TNFAIP8: variants seen among roughly 807,000 people sequenced by gnomAD.
TNFAIP8 encodes the protein TNF alpha induced protein 8, also known as tumor necrosis factor alpha-induced protein 8.
In TNFAIP8, 7 loss-of-function variants were observed where a neutral mutation model predicts 13.3. That is an observed-to-expected ratio of 0.52 (90% CI 0.30 to 0.99). The LOEUF is 0.99. Ranked by LOEUF, TNFAIP8 falls within the 50% of genes least tolerant of loss-of-function variation. TNFAIP8 has a pLI of 0.07. For missense variants in TNFAIP8, 258 were observed against 236.9 expected (o/e 1.09, Z -0.58); for synonymous variants, 94 against 87.6 (o/e 1.07, Z -0.41).
chr5:119,297,153 G>T (rs1300934045), intron 1 of TNFAIP8, among the ~76,000 whole-genome samples: 6 of 152,100 alleles, frequency 3.9e-5, no homozygotes, highest in Non-Finnish European at 5.9e-5. Context: ...GCTAGCTTTT[G>T]AATGTGTTTG....
chr5:119,270,302 A>G (rs1388624491), intron 1 of TNFAIP8, among the ~76,000 whole-genome samples: 4 of 152,260 alleles, frequency 2.6e-5, no homozygotes, highest in African/African-American at 7.2e-5. Flanking sequence ...TATACTTTGC[A>G]GTGTAAACAT....
At chr5:119,370,368 A>G (rs901700675) in intron 1 of TNFAIP8, among the ~76,000 whole-genome samples, 1 of 152,244 alleles carries the variant, frequency 6.6e-6, no homozygotes, top group Non-Finnish European at 1.5e-5. Flanking sequence ...TGAGTAAAGG[A>G]GGCTTTCAAA....
At chr5:119,334,092 T>G (rs1382177620) in intron 1 of TNFAIP8, among the ~76,000 whole-genome samples, 1 of 150,240 alleles carries the variant, frequency 6.7e-6, no homozygotes, top group African/African-American at 2.5e-5. Context: ...TCTATTCTCT[T>G]ATTGGATAAT....
chr5:119,381,231 A>C lies in TNFAIP8; in HGVS notation c.32-11585A>C, dbSNP rs144759084. ...TGCTATATCTATCCTCTCCCTGCCA[A>C]ACAAAGCCTTCTTGAAAACCAAGTA... On this transcript the variant is annotated intron_variant, in intron 1 of 1. Transcript: ENST00000504771. Among the ~76,000 whole-genome samples, 536 of 152,286 alleles carry C rather than the reference A, an allele frequency of 3.5e-3. 1 individual carries two copies. Among genetic ancestry groups the C allele is most frequent in the African/African-American group, 0.012 (498 of 41,568 alleles).
At chr5:119,367,643 A>G (rs1188764811) in intron 1 of TNFAIP8, among the ~76,000 whole-genome samples, 4 of 152,216 alleles carry the variant, frequency 2.6e-5, no homozygotes, top group Non-Finnish European at 4.4e-5. Context: ...AATTGACTAC[A>G]TGTAGGCAGC....
intron 1 of TNFAIP8, among the ~76,000 whole-genome samples, chr5:119,327,263 G>C (rs1159130283): frequency 6.6e-6 from 1 of 152,256 alleles, no homozygotes; most frequent in Middle Eastern, 3.4e-3. Context: ...TGTGTTGACT[G>C]TGGAGTACAT....
intron 1 of TNFAIP8, among the ~76,000 whole-genome samples, chr5:119,279,674 T>A (rs1748570224): frequency 6.6e-6 from 1 of 152,168 alleles, no homozygotes. Context: ...CTCAAACTCT[T>A]GGCTTCAAGC....
chr5:119,375,697 G>A (rs1014858557), intron 1 of TNFAIP8, among the ~76,000 whole-genome samples: 5 of 152,102 alleles, frequency 3.3e-5, no homozygotes, highest in Non-Finnish European at 7.4e-5. Flanking sequence ...AAAACAATTT[G>A]TCTTTGTAAC....
chr5:119,342,845 C>A (rs1256663521), intron 1 of TNFAIP8, among the ~76,000 whole-genome samples: 3 of 152,188 alleles, frequency 2.0e-5, no homozygotes, highest in African/African-American at 4.8e-5. Flanking sequence ...AAGGGAAGCT[C>A]ACTCCTAGGA....
chr5:119,327,985 T>G (rs1376265422), intron 1 of TNFAIP8, among the ~76,000 whole-genome samples: 1 of 151,958 alleles, frequency 6.6e-6, no homozygotes, highest in Non-Finnish European at 1.5e-5. Flanking sequence ...GATCTAATAA[T>G]GTCTAGCTAA....
chr5:119,329,084 G>C (rs1420260042), intron 1 of TNFAIP8, among the ~76,000 whole-genome samples: 1 of 152,224 alleles, frequency 6.6e-6, no homozygotes, highest in African/African-American at 2.4e-5. Flanking sequence ...AGGACCCAGC[G>C]AGTGCCGCAG....
intron 1 of TNFAIP8, among the ~76,000 whole-genome samples, chr5:119,270,504 C>T (rs754670765): frequency 6.6e-5 from 10 of 152,196 alleles, no homozygotes; most frequent in Non-Finnish European, 1.2e-4. Context: ...TCAAGTGATC[C>T]TCCTGCCTCA....
chr5:119,271,374 A>C (rs926087065), intron 1 of TNFAIP8, among the ~76,000 whole-genome samples: 2 of 152,142 alleles, frequency 1.3e-5, no homozygotes, highest in South Asian at 4.1e-4. Flanking sequence ...TATTTAATTG[A>C]TCCAATTAAT....
At chr5:119,311,454 G>A (rs1294786140) in intron 1 of TNFAIP8, among the ~76,000 whole-genome samples, 1 of 151,850 alleles carries the variant, frequency 6.6e-6, no homozygotes, top group Non-Finnish European at 1.5e-5. Context: ...CACTTTGGGA[G>A]GCCAAGGCAG....
chr5:119,343,815 G>A (rs1030420511), intron 1 of TNFAIP8, among the ~76,000 whole-genome samples: 29 of 152,142 alleles, frequency 1.9e-4, no homozygotes, highest in African/African-American at 3.1e-4. Flanking sequence ...GGTAAAAAGC[G>A]GATATAACAG....
chr5:119,285,481 C>G (rs1448208590), intron 1 of TNFAIP8, among the ~76,000 whole-genome samples: 2 of 152,170 alleles, frequency 1.3e-5, no homozygotes, highest in Non-Finnish European at 2.9e-5. Context: ...AGGAAGAACT[C>G]TGGCCCCAGA....
chr5:119,270,338 G>T lies in TNFAIP8; in HGVS notation c.1+1431G>T, dbSNP rs191147756. The stretch of plus-strand genomic sequence containing the variant: ...ATGACTCCATCTCTCTTTAAGGAAA[G>T]AAATAATTATCACGTTTGATGAAAC... On this transcript the variant is annotated intron_variant, in intron 1 of 1. Coordinates refer to the TNFAIP8 transcript ENST00000274456. Among the ~76,000 whole-genome samples, 577 of 152,364 alleles carry T rather than the reference G, an allele frequency of 3.8e-3. 2 individuals are homozygous for T. Among genetic ancestry groups the T allele is most frequent in the Non-Finnish European group, 5.6e-3 (378 of 68,042 alleles).
In TNFAIP8 at chr5:119,398,112, A is replaced by C. The variant is rs560723362; in HGVS notation, c.*4731A>C. On this transcript the variant is annotated 3_prime_UTR_variant, in exon 2 of 2. Coordinates refer to ENST00000504771, the MANE Select transcript of TNFAIP8 (RefSeq NM_014350.4). ...TGTGCCCTATGTCCACCAAATTTGCATGAGATCTTTATAAGATTAGACAGC... is the reference window on the plus strand; with the variant it reads ...TGTGCCCTATGTCCACCAAATTTGCCTGAGATCTTTATAAGATTAGACAGC... 1.3e-5 allele frequency: 2 copies of C among 152,324 alleles called. No individual in the cohort carries two copies. Among genetic ancestry groups the C allele is most frequent in the African/African-American group, 2.4e-5 (1 of 41,582 alleles). The allele number at this position is 152,324 out of a possible 1,614,324, so 9.4% of individuals were successfully genotyped here.
intron 1 of TNFAIP8, among the ~76,000 whole-genome samples, chr5:119,278,919 A>G (rs1254572868): frequency 6.6e-6 from 1 of 152,200 alleles, no homozygotes; most frequent in East Asian, 1.9e-4. Flanking sequence ...GTTAAAGGTC[A>G]TGGGTTTATA....
Sources: gnomAD v4.1 joint callset for allele counts (sites outside exome capture counted in the v4.1 genomes callset) on GRCh38, gnomAD v4.1.1 for gene constraint, MANE v1.5 for transcripts, NCBI Gene and HGNC (gene_info 2026-07-23, HGNC 2026-07-21) for gene names.